FNBP4: variants seen among roughly 807,000 people sequenced by gnomAD.
FNBP4 encodes formin binding protein 4.
Under a neutral mutation model 119.3 loss-of-function variants are expected in FNBP4, and 34 were observed. The observed-to-expected ratio is 0.28, with a 90% confidence interval of 0.22 to 0.38. FNBP4 has a LOEUF of 0.38. Ranked by LOEUF, FNBP4 falls within the 10% of genes least tolerant of loss-of-function variation. The pLI is 1.00. For synonymous variants in FNBP4, 462 were observed against 430.6 expected (o/e 1.07, Z -0.90); for missense variants, 1,112 against 1,228.9 (o/e 0.90, Z 1.42).
At chr11:47,721,682 T>G (rs999858429) in intron 15 of FNBP4, among the ~76,000 whole-genome samples, 5 of 151,946 alleles carry the variant, frequency 3.3e-5, no homozygotes, top group Non-Finnish European at 5.9e-5. Flanking sequence ...TTCGCTTACC[T>G]TCATTGTCTA....
At chr11:47,743,676 CCACA>C (rs2097585423) in intron 8 of FNBP4, 2 of 421,152 alleles carry the variant, frequency 4.7e-6, no homozygotes, top group Admixed American at 7.8e-5. Context: ...CTCTACCCAC[CCACA>C]CAGAGGCTGG....
intron 8 of FNBP4, among the ~76,000 whole-genome samples, chr11:47,737,739 CT>C (rs2097576202): frequency 6.6e-6 from 1 of 150,394 alleles, no homozygotes; most frequent in African/African-American, 2.5e-5. Context: ...TGCACCCAGG[CT>C]GCATCATAAT....
At chr11:47,754,450 A>T in intron 3 of FNBP4, 78 bp downstream of exon 3, 1 of 1,428,076 alleles carries the variant, frequency 7.0e-7, no homozygotes, top group Non-Finnish European at 9.7e-7. Context: ...CATTGAACTG[A>T]CAAGTACGCT....
intron 8 of FNBP4, among the ~76,000 whole-genome samples, chr11:47,739,538 G>A (rs953647767): frequency 2.6e-5 from 4 of 152,122 alleles, no homozygotes; most frequent in African/African-American, 9.7e-5. Context: ...AATCTTTACT[G>A]CTGTGAAACT....
intron 12 of FNBP4, chr11:47,729,733 CTCT>C: frequency 1.0e-6 from 1 of 985,382 alleles, no homozygotes; most frequent in Non-Finnish European, 1.2e-6. Flanking sequence ...TTTGTTTTTT[CTCT>C]TCTTTAAAAG....
At chr11:47,725,700 A>G (rs1375355201) in intron 12 of FNBP4, 4 of 791,036 alleles carry the variant, frequency 5.1e-6, no homozygotes, top group Non-Finnish European at 6.1e-6. Flanking sequence ...TCTGCTGGGA[A>G]AACCTTTAAA....
In FNBP4 at chr11:47,735,842, G is replaced by T. The variant is rs150326508; in HGVS notation, c.1581+774C>A. On this transcript the variant is annotated intron_variant, in intron 9 of 16. Transcript: ENST00000263773. ...TGCCTGTAATCCCAGCACTTTGGGAGGCCGAGGCAGGTGTATCACGAGGTC... is the reference window on the plus strand; with the variant it reads ...TGCCTGTAATCCCAGCACTTTGGGATGCCGAGGCAGGTGTATCACGAGGTC... 5.3e-3 allele frequency among the ~76,000 whole-genome samples: 814 copies of T among 152,164 alleles called. 9 individuals carry two copies. The highest frequency in any genetic ancestry group is 0.018 in the African/African-American group (732 of 41,524).
In FNBP4 at chr11:47,767,297, C is replaced by T. The variant is rs368377928; in HGVS notation, c.-9G>A. The T allele has an allele frequency of 1.7e-3, 2,586 of 1,497,798 alleles. 6 individuals are homozygous for T. The highest frequency in any genetic ancestry group is 1.9e-3 in the Non-Finnish European group (2,178 of 1,129,946). 92.8% of individuals were successfully genotyped at this position (1,497,798 alleles called of 1,614,324 possible). On this transcript the variant is annotated 5_prime_UTR_variant, in exon 1 of 17. Coordinates refer to ENST00000263773, the MANE Select transcript of FNBP4 (RefSeq NM_015308.5). Reference sequence around the variant, plus strand: ...CGGGACTTCTTCCCCATCGCGAGCCCAAGCGCGAGCAGAGAGCGTCGGGCG... The same window carrying T: ...CGGGACTTCTTCCCCATCGCGAGCCTAAGCGCGAGCAGAGAGCGTCGGGCG...
intron 2 of FNBP4, among the ~76,000 whole-genome samples, chr11:47,762,416 C>T (rs1482659022): frequency 6.6e-6 from 1 of 152,038 alleles, no homozygotes; most frequent in Non-Finnish European, 1.5e-5. Flanking sequence ...CGTGAACCAC[C>T]GTGCCCCGCC....
chr11:47,731,872 A>T (rs369873114), intron 11 of FNBP4: 3 of 1,053,818 alleles, frequency 2.8e-6, no homozygotes. Context: ...AGTTTCATTA[A>T]TGAAGGGACT....
At chr11:47,758,741 C>T (rs1442294184) in intron 2 of FNBP4, among the ~76,000 whole-genome samples, 1 of 151,324 alleles carries the variant, frequency 6.6e-6, no homozygotes, top group East Asian at 2.0e-4. Context: ...CGCCTGTAAT[C>T]CCAGCTACTC....
At chr11:47,722,064 A>G (rs2097556360) in intron 15 of FNBP4, among the ~76,000 whole-genome samples, 1 of 102,972 alleles carries the variant, frequency 9.7e-6, no homozygotes, top group African/African-American at 3.2e-5. Context: ...GGAAAAAAAA[A>G]TATTTCTCAT....
Position 47,765,374 on chromosome 11 carries a change from A to AAAAAGGAAAG in FNBP4, c.221-13_221-12insCTTTCCTTTT. On this transcript the variant is annotated splice_polypyrimidine_tract_variant and intron_variant, in intron 1 of 16. Coordinates refer to ENST00000263773, the MANE Select transcript of FNBP4 (RefSeq NM_015308.5). ...CGCTTCCTGTTCATCTGGATTAAAA[A>AAAAAGGAAAG]AAAAGAAAAGAAAAGAAAAGAAAAG... 1.9e-6 allele frequency: 2 copies of AAAAAGGAAAG among 1,032,480 alleles called. No individual in the cohort carries two copies. Among genetic ancestry groups the AAAAAGGAAAG allele is most frequent in the Non-Finnish European group, 2.8e-6 (2 of 701,908 alleles). 64.0% of individuals were successfully genotyped at this position (1,032,480 alleles called of 1,614,324 possible).
chr11:47,731,623 T>C (rs1314778559), intron 11 of FNBP4, 62 bp from the exon 12 acceptor site: 4 of 1,548,110 alleles, frequency 2.6e-6, no homozygotes, highest in African/African-American at 2.8e-5. Flanking sequence ...ACACTTCCAT[T>C]TGGTCCTGTC....
At position 47,724,750 on chromosome 11, in the gene FNBP4, A is replaced by C. The variant is rs748158040; in HGVS notation, c.2037T>G (p.Gly679=). ...GCATGAGTGATGAAGAAGAAACTTG[A>C]CCAGAAAAGGATTCTTTACAAAGAG... ...TGSLCKESFS[G]QVSSSSLMPL... The change falls in exon 13 of 17, where the codon GGT becomes GGG. Residue 679 remains glycine, a synonymous_variant. Coordinates refer to ENST00000263773, the MANE Select transcript of FNBP4 (RefSeq NM_015308.5). 4 of 1,574,094 alleles carry C rather than the reference A, an allele frequency of 2.5e-6. No individual in the cohort carries two copies. In the African/African-American group the frequency reaches 5.5e-5, roughly 21 times the overall value.
At position 47,746,027 on chromosome 11, in the gene FNBP4, C is replaced by T. The variant is rs1441905088; in HGVS notation, c.1245+29G>A. 3 of 1,548,582 alleles carry T rather than the reference C, an allele frequency of 1.9e-6. No individual in the cohort carries two copies. The African/African-American group carries it at 4.1e-5, about 21-fold the overall frequency. On this transcript the variant is annotated intron_variant, in intron 7 of 16. Transcript: ENST00000263773. The stretch of plus-strand genomic sequence containing the variant: ...CTGTAGAGTAGTACTGAGGAAAAAA[C>T]ATTCTACAAGTAACTTTCAAAAGCT...
At chr11:47,759,242 G>A (rs1353848031) in intron 2 of FNBP4, among the ~76,000 whole-genome samples, 4 of 137,170 alleles carry the variant, frequency 2.9e-5, no homozygotes, top group African/African-American at 1.1e-4. Flanking sequence ...ATGGAGTTTC[G>A]CTCTTCTTGC....
At chr11:47,728,848 C>CTTTTTTTTT (rs35490791) in intron 12 of FNBP4, among the ~76,000 whole-genome samples, 4 of 113,586 alleles carry the variant, frequency 3.5e-5, no homozygotes, top group Non-Finnish European at 6.9e-5. Flanking sequence ...CTGTAGGCGT[C>CTTTTTTTTT]TTTTTTTTTT....
chr11:47,745,066 C>T lies in FNBP4; in HGVS notation c.1246-903G>A, dbSNP rs189166333. Among the ~76,000 whole-genome samples the T allele has an allele frequency of 2.6e-5, 4 of 152,276 alleles. No individual in the cohort carries two copies. The East Asian group carries it at 5.8e-4, about 22-fold the overall frequency. On this transcript the variant is annotated intron_variant, in intron 7 of 16. Transcript: ENST00000263773. Reference sequence around the variant, plus strand: ...TACTTTAATCTCTTAATCCTGTTATCTTAGTAAGCTGAGGATGTACATCAC... The same window carrying T: ...TACTTTAATCTCTTAATCCTGTTATTTTAGTAAGCTGAGGATGTACATCAC...
Sources: allele counts gnomAD v4.1 joint callset (sites outside exome capture counted in the v4.1 genomes callset), GRCh38; gene constraint gnomAD v4.1.1; transcripts MANE v1.5; gene names NCBI Gene and HGNC (gene_info 2026-07-23, HGNC 2026-07-21).